The following CRYBG1 variants were observed in gnomAD, a reference collection of about 807,000 sequenced individuals.
The protein encoded by CRYBG1 is beta/gamma crystallin domain-containing protein 1.
In CRYBG1, 139 loss-of-function variants were observed where a neutral mutation model predicts 189.2. That is an observed-to-expected ratio of 0.73 (90% CI 0.64 to 0.85). CRYBG1 has a LOEUF of 0.85. CRYBG1 is among the 40% of genes least tolerant of loss of function. The probability of loss-of-function intolerance (pLI) is 0.00; values close to 1 mark genes in which losing one functional copy is unlikely to be tolerated. For missense variants in CRYBG1, 2,611 were observed against 2,675.8 expected, an observed-to-expected ratio of 0.98 and a Z score of 0.53; for synonymous variants, 1,023 against 1,017.1, an observed-to-expected ratio of 1.01 and a Z score of -0.11.
intron 1 of CRYBG1, among the ~76,000 whole-genome samples, chr6:106,403,037 G>A (rs967057669): frequency 1.3e-5 from 2 of 152,176 alleles, no homozygotes; most frequent in African/African-American, 4.8e-5. Context: ...TTGTTGAGGA[G>A]GAATTTAAAA....
chr6:106,409,284 A>AT (rs1770881345), intron 1 of CRYBG1, among the ~76,000 whole-genome samples: 1 of 152,214 alleles, frequency 6.6e-6, no homozygotes, highest in Non-Finnish European at 1.5e-5. Flanking sequence ...TGCTACAAAG[A>AT]GAATAAAATA....
intron 1 of CRYBG1, among the ~76,000 whole-genome samples, chr6:106,437,287 G>A (rs1310711820): frequency 1.3e-5 from 2 of 151,772 alleles, no homozygotes; most frequent in African/African-American, 4.8e-5. Flanking sequence ...ATATTTATAT[G>A]GTTTCTTTAG....
chr6:106,531,147 G>A (rs909252313), intron 8 of CRYBG1, among the ~76,000 whole-genome samples: 1 of 152,134 alleles, frequency 6.6e-6, no homozygotes, highest in Non-Finnish European at 1.5e-5. Context: ...TGAACAATAA[G>A]GCACTCCTTA....
chr6:106,456,146 A>G (rs1186276184), intron 2 of CRYBG1, among the ~76,000 whole-genome samples: 1 of 152,076 alleles, frequency 6.6e-6, no homozygotes, highest in East Asian at 1.9e-4. Flanking sequence ...ATTGTTTTTG[A>G]CAGCTTGTTT....
intron 13 of CRYBG1, among the ~76,000 whole-genome samples, chr6:106,550,200 A>C (rs1170695296): frequency 6.6e-6 from 1 of 152,206 alleles, no homozygotes; most frequent in Non-Finnish European, 1.5e-5. Context: ...CTGGTAAATG[A>C]ATTAACTTAC....
At chr6:106,518,973 G>GCACACACACA (rs1193845182) in intron 3 of CRYBG1, among the ~76,000 whole-genome samples, 158 bp from the exon 4 acceptor site, 11 of 41,700 alleles carry the variant, frequency 2.6e-4, no homozygotes, top group African/African-American at 4.6e-4. Context: ...ACACATGTGT[G>GCACACACACA]CGCACACACA....
intron 1 of CRYBG1, among the ~76,000 whole-genome samples, chr6:106,419,481 C>G (rs1027370695): frequency 6.6e-6 from 1 of 152,178 alleles, no homozygotes; most frequent in Non-Finnish European, 1.5e-5. Flanking sequence ...CTCCTGGGCT[C>G]AAGCAGTCTT....
intron 13 of CRYBG1, among the ~76,000 whole-genome samples, chr6:106,545,574 T>C (rs11968775): frequency 0.11 from 17,015 of 152,306 alleles, 1,036 homozygotes; most frequent in South Asian, 0.19. Flanking sequence ...TCAAACACTA[T>C]CAGAACTTAG....
chr6:106,410,287 T>A (rs1470788746), intron 1 of CRYBG1, among the ~76,000 whole-genome samples: 1 of 152,204 alleles, frequency 6.6e-6, no homozygotes, highest in Non-Finnish European at 1.5e-5. Context: ...TCATTATCAC[T>A]GGTCATTAGA....
In CRYBG1 at chr6:106,570,898, A is replaced by G. The variant is rs1775040510; in HGVS notation, c.*2332A>G. ...AATCTCAAAACAGGTCTACATCAAA[A>G]GTTACAAGCAAGCATATCAGGTGCA... On this transcript the variant is annotated 3_prime_UTR_variant, in exon 22 of 22. Coordinates refer to ENST00000633556, the MANE Select transcript of CRYBG1 (RefSeq NM_001371242.2). 6.6e-6 allele frequency: 1 copy of G among 152,244 alleles called. No homozygotes were observed. The highest frequency in any genetic ancestry group is 1.5e-5 in the Non-Finnish European group (1 of 68,048). The allele number at this position is 152,244 out of a possible 1,614,324, so 9.4% of individuals were successfully genotyped here. A position where few individuals can be genotyped will look rare whatever the true frequency, so the allele number is the denominator to read the frequency against.
At chr6:106,561,801 G>A (rs1774727693) in intron 20 of CRYBG1, among the ~76,000 whole-genome samples, 2 of 152,114 alleles carry the variant, frequency 1.3e-5, no homozygotes, top group South Asian at 4.1e-4. Context: ...TAATGTAACT[G>A]TTACAGAAAC....
chr6:106,556,641 T>A (rs1774553473), intron 17 of CRYBG1, among the ~76,000 whole-genome samples: 1 of 152,220 alleles, frequency 6.6e-6, no homozygotes, highest in Non-Finnish European at 1.5e-5. Context: ...CATGTTGAGA[T>A]ATTAAAGTCT....
chr6:106,538,346 G>A (rs1470042843), intron 8 of CRYBG1, among the ~76,000 whole-genome samples: 2 of 152,162 alleles, frequency 1.3e-5, no homozygotes, highest in African/African-American at 4.8e-5. Flanking sequence ...GGGTGGGGCT[G>A]CTGGTTCCCC....
intron 1 of CRYBG1, among the ~76,000 whole-genome samples, chr6:106,405,322 C>T (rs867650959): frequency 6.6e-6 from 1 of 152,250 alleles, no homozygotes; most frequent in Non-Finnish European, 1.5e-5. Context: ...TGTAGCTGGA[C>T]TGTCTCTCTA....
At position 106,490,930 on chromosome 6, in the gene CRYBG1, T is replaced by C. The variant is rs193068380; in HGVS notation, c.313-20500T>C. ...TGTGTCCTCATGATATAGTATAATA[T>C]CTTGATTAAGGCTGGAAAGTAACTA... On this transcript the variant is annotated intron_variant, in intron 2 of 21. Coordinates refer to ENST00000633556, the MANE Select transcript of CRYBG1 (RefSeq NM_001371242.2). Among the ~76,000 whole-genome samples, 677 of 152,304 alleles carry C rather than the reference T, an allele frequency of 4.4e-3. 4 individuals are homozygous for C. Among genetic ancestry groups the C allele is most frequent in the Non-Finnish European group, 6.5e-3 (443 of 68,030 alleles).
intron 8 of CRYBG1, 26 bp downstream of exon 8, chr6:106,530,341 T>G: frequency 1.3e-6 from 2 of 1,590,342 alleles, no homozygotes; most frequent in Non-Finnish European, 1.7e-6. Context: ...TCAAACAAAT[T>G]TTAATGAAGT....
intron 2 of CRYBG1, among the ~76,000 whole-genome samples, chr6:106,503,787 A>G (rs1773063372): frequency 6.6e-6 from 1 of 152,202 alleles, no homozygotes; most frequent in Non-Finnish European, 1.5e-5. Flanking sequence ...ACTTAAAGAC[A>G]ATACCAACCC....
chr6:106,506,909 GA>G (rs1180977351), intron 2 of CRYBG1, among the ~76,000 whole-genome samples: 3 of 151,794 alleles, frequency 2.0e-5, no homozygotes, highest in East Asian at 1.9e-4. Flanking sequence ...TTTAAGCAAG[GA>G]AAAAAAGAAA....
At chr6:106,429,572 A>G (rs895816306) in intron 1 of CRYBG1, among the ~76,000 whole-genome samples, 1 of 152,244 alleles carries the variant, frequency 6.6e-6, no homozygotes, top group Non-Finnish European at 1.5e-5. Flanking sequence ...CTTTCTGAGC[A>G]TGAAAGTAAC....
Sources: gnomAD v4.1 joint callset for allele counts (sites outside exome capture counted in the v4.1 genomes callset) on GRCh38, gnomAD v4.1.1 for gene constraint, MANE v1.5 for transcripts, NCBI Gene and HGNC (gene_info 2026-07-23, HGNC 2026-07-21) for gene names.